Variants in ME3 observed in about 807,000 individuals in gnomAD.
The protein encoded by ME3 is malic enzyme 3.
Under a neutral mutation model 68.9 loss-of-function variants are expected in ME3, and 48 were observed. The ratio of observed to expected loss-of-function variants is 0.70; its 90% CI spans 0.55 to 0.89. The LOEUF is 0.89. Among genes scored for constraint, ME3 ranks in the 40% least tolerant of loss-of-function variants. The pLI is 0.00. For missense variants in ME3, 675 were observed against 797.4 expected, an observed-to-expected ratio of 0.85 and a Z score of 1.85; for synonymous variants, 320 against 318.8, an observed-to-expected ratio of 1.00 and a Z score of -0.04.
chr11:86,496,612 A>G (rs1952353754), intron 6 of ME3, among the ~76,000 whole-genome samples: 1 of 152,194 alleles, frequency 6.6e-6, no homozygotes, highest in Admixed American at 6.5e-5. Flanking sequence ...AATTTATCCT[A>G]AGGAAATACT....
chr11:86,476,394 G>A (rs1951085708), intron 7 of ME3, among the ~76,000 whole-genome samples: 1 of 152,204 alleles, frequency 6.6e-6, no homozygotes, highest in African/African-American at 2.4e-5. Flanking sequence ...CAGCTCTGAG[G>A]GCAAAGTACA....
chr11:86,451,206 C>T (rs1949616210), intron 8 of ME3, among the ~76,000 whole-genome samples: 1 of 152,112 alleles, frequency 6.6e-6, no homozygotes, highest in African/African-American at 2.4e-5. Context: ...GATTCATGAG[C>T]AGTTGCTAAT....
At chr11:86,575,166 CT>C (rs1958031664) in intron 2 of ME3, among the ~76,000 whole-genome samples, 1 of 147,500 alleles carries the variant, frequency 6.8e-6, no homozygotes, top group Non-Finnish European at 1.5e-5. Context: ...CTTCTAATAA[CT>C]GTTGTGCCAA....
intron 7 of ME3, among the ~76,000 whole-genome samples, chr11:86,481,313 A>G (rs541212851): frequency 2.6e-5 from 4 of 150,992 alleles, no homozygotes; most frequent in Non-Finnish European, 5.9e-5. Flanking sequence ...TTGGCCTCCG[A>G]AAATGCTGAG....
chr11:86,658,943 A>G (rs1289278600), intron 2 of ME3, among the ~76,000 whole-genome samples: 1 of 152,366 alleles, frequency 6.6e-6, no homozygotes, highest in East Asian at 1.9e-4. Context: ...CTGCATTGCT[A>G]TTCACTGTCC....
intron 2 of ME3, among the ~76,000 whole-genome samples, chr11:86,576,715 C>T (rs1217254055): frequency 9.6e-6 from 1 of 103,766 alleles, no homozygotes; most frequent in African/African-American, 4.3e-5. Context: ...TGAAGTCCTC[C>T]CTCAGCTACA....
chr11:86,479,597 A>T (rs79973871), intron 7 of ME3, among the ~76,000 whole-genome samples: 3,913 of 152,160 alleles, frequency 0.026, 64 homozygotes, highest in Non-Finnish European at 0.033. Flanking sequence ...TATATGGAAC[A>T]TCATTTTTTC....
intron 2 of ME3, among the ~76,000 whole-genome samples, chr11:86,650,855 G>A (rs1416566225): frequency 6.6e-6 from 1 of 152,164 alleles, no homozygotes; most frequent in African/African-American, 2.4e-5. Flanking sequence ...CCAAGGAAAG[G>A]GGTGACAGAG....
At chr11:86,542,689 G>C (rs1297610097) in intron 4 of ME3, among the ~76,000 whole-genome samples, 1 of 152,230 alleles carries the variant, frequency 6.6e-6, no homozygotes, top group Non-Finnish European at 1.5e-5. Flanking sequence ...TGGTGTACCT[G>C]AAAGTGACGA....
chr11:86,604,591 T>C (rs944904900), intron 2 of ME3, among the ~76,000 whole-genome samples: 2 of 152,176 alleles, frequency 1.3e-5, no homozygotes, highest in African/African-American at 2.4e-5. Flanking sequence ...AATAAGCATA[T>C]AAAATGATAT....
chr11:86,482,691 G>A (rs1196908294), intron 7 of ME3, among the ~76,000 whole-genome samples: 1 of 151,594 alleles, frequency 6.6e-6, no homozygotes, highest in Non-Finnish European at 1.5e-5. Flanking sequence ...CCACTCTTGT[G>A]TTCTTAGGAG....
chr11:86,508,326 T>C (rs1169704025), intron 5 of ME3, among the ~76,000 whole-genome samples: 2 of 152,194 alleles, frequency 1.3e-5, no homozygotes, highest in Non-Finnish European at 2.9e-5. Context: ...TCCCTGAATC[T>C]CCTCAGGCTA....
chr11:86,534,676 AAAT>A (rs773693222), intron 4 of ME3, among the ~76,000 whole-genome samples: 11 of 151,732 alleles, frequency 7.2e-5, no homozygotes, highest in Non-Finnish European at 1.3e-4. Context: ...CTATATCTCA[AAAT>A]AATAATAATA....
intron 8 of ME3, chr11:86,457,663 G>C (rs1169861261): frequency 6.2e-6 from 8 of 1,285,368 alleles, no homozygotes; most frequent in Non-Finnish European, 8.1e-6. Context: ...GCTGTTTCGA[G>C]GTAACCACTC....
chr11:86,652,479 A>G (rs1945517264), intron 2 of ME3, among the ~76,000 whole-genome samples: 1 of 152,166 alleles, frequency 6.6e-6, no homozygotes, highest in African/African-American at 2.4e-5. Flanking sequence ...CCAGAATTTC[A>G]TATCCAGCCA....
At chr11:86,574,154 G>A (rs1315061033) in intron 2 of ME3, among the ~76,000 whole-genome samples, 3 of 152,126 alleles carry the variant, frequency 2.0e-5, no homozygotes, top group Non-Finnish European at 4.4e-5. Context: ...GTTAGAACAC[G>A]TACCTTTAGC....
intron 4 of ME3, among the ~76,000 whole-genome samples, chr11:86,537,078 T>C (rs1019811112): frequency 2.0e-5 from 3 of 149,178 alleles, no homozygotes; most frequent in East Asian, 2.0e-4. Flanking sequence ...TAGGTGGGAA[T>C]TGAACAATGA....
intron 2 of ME3, among the ~76,000 whole-genome samples, chr11:86,578,465 C>T (rs1448755405): frequency 6.6e-6 from 1 of 152,110 alleles, no homozygotes; most frequent in Non-Finnish European, 1.5e-5. Flanking sequence ...TACATGCATT[C>T]CTGGTGCGTG....
At chr11:86,580,930 T>G (rs1411678020) in intron 2 of ME3, among the ~76,000 whole-genome samples, 1 of 152,184 alleles carries the variant, frequency 6.6e-6, no homozygotes, top group Non-Finnish European at 1.5e-5. Context: ...TCCCACAATA[T>G]CCCAGCTTTT....
Sources: gnomAD v4.1 joint callset for allele counts (sites outside exome capture counted in the v4.1 genomes callset) on GRCh38, gnomAD v4.1.1 for gene constraint, MANE v1.5 for transcripts, NCBI Gene and HGNC (gene_info 2026-07-23, HGNC 2026-07-21) for gene names.